Variants in KDM5A observed in about 807,000 individuals in gnomAD.
KDM5A encodes the protein lysine-specific demethylase 5A.
A neutral mutation model predicts 193.5 loss-of-function variants in KDM5A; 42 were observed. That is an observed-to-expected ratio of 0.22 (90% CI 0.17 to 0.28). The LOEUF (loss-of-function observed/expected upper bound fraction) is 0.28. KDM5A is among the 10% of genes least tolerant of loss of function. The pLI is 1.00. For synonymous variants in KDM5A, 796 were observed against 718.1 expected (o/e 1.11, Z -1.73); for missense variants, 1,692 against 2,055.1 (o/e 0.82, Z 3.42).
intron 2 of KDM5A, among the ~76,000 whole-genome samples, chr12:384,393 T>TA (rs1396879246): frequency 1.3e-5 from 2 of 152,158 alleles, no homozygotes; most frequent in Non-Finnish European, 2.9e-5. Flanking sequence ...AGAATCTAAG[T>TA]AATGCTTGAT....
In KDM5A at chr12:318,349, T is replaced by A. The variant is rs201957346; in HGVS notation, c.2654A>T (p.Tyr885Phe). The A allele has an allele frequency of 2.5e-6, 4 of 1,614,176 alleles. No individual in the cohort carries two copies. The Admixed American group carries it at 5.0e-5, about 20-fold the overall frequency. ...TCGTGGTAATTCAGGGAGTTCCACA[T>A]AGAGACTAGAGCCCATATCTATCAA... Reference protein sequence around the residue: ...QMLIDMGSSLYVELPELPRLK... With the variant: ...QMLIDMGSSLFVELPELPRLK... Residue 885 changes from tyrosine to phenylalanine, a missense_variant, in exon 19 of 28, where the codon TAT becomes TTT. By Grantham distance (22) the Tyr-to-Phe change is conservative. Coordinates refer to ENST00000399788, the MANE Select transcript of KDM5A (RefSeq NM_001042603.3).
intron 3 of KDM5A, among the ~76,000 whole-genome samples, chr12:375,412 G>T (rs1047454907): frequency 6.6e-6 from 1 of 152,178 alleles, no homozygotes; most frequent in African/African-American, 2.4e-5. Flanking sequence ...TCGTGCCATG[G>T]TTTTCAGCTC....
intron 14 of KDM5A, among the ~76,000 whole-genome samples, chr12:326,790 G>A (rs1303098448): frequency 6.8e-6 from 1 of 148,062 alleles, no homozygotes; most frequent in Non-Finnish European, 1.5e-5. Flanking sequence ...GCGTGGACCC[G>A]CAGGGCGGAG....
chr12:381,672 A>G, intron 3 of KDM5A, among the ~76,000 whole-genome samples: 1 of 152,282 alleles, frequency 6.6e-6, no homozygotes, highest in South Asian at 2.1e-4. Flanking sequence ...CTTACTTACT[A>G]ACATCATTAC....
At chr12:292,029 A>G (rs1199981043) in intron 27 of KDM5A, among the ~76,000 whole-genome samples, 4 of 151,834 alleles carry the variant, frequency 2.6e-5, no homozygotes, top group African/African-American at 7.3e-5. Context: ...CAACCTCCCA[A>G]GTAGCTGAGA....
Position 328,226 on chromosome 12 carries a change from T to G in KDM5A, c.1968+609A>C, listed in dbSNP as rs1335098622. 7.2e-5 allele frequency among the ~76,000 whole-genome samples: 11 copies of G among 152,276 alleles called. 1 individual carries two copies. In the South Asian group the frequency reaches 1.7e-3, roughly 23 times the overall value. ...GCTGTTTTAAAAACAGAGCAGAATA[T>G]CAGGCAGAGAGGGAGGAGGGACATG... is the stretch of plus-strand genomic sequence containing the variant. On this transcript the variant is annotated intron_variant, in intron 14 of 27. Coordinates refer to ENST00000399788, the MANE Select transcript of KDM5A (RefSeq NM_001042603.3).
chr12:383,592 A>T (rs1944602372), intron 3 of KDM5A, among the ~76,000 whole-genome samples: 1 of 152,180 alleles, frequency 6.6e-6, no homozygotes, highest in African/African-American at 2.4e-5. Context: ...ACAAGATAAC[A>T]TTAGCAGGCT....
intron 5 of KDM5A, among the ~76,000 whole-genome samples, chr12:361,886 T>A (rs1944297877): frequency 6.6e-6 from 1 of 151,722 alleles, no homozygotes; most frequent in Non-Finnish European, 1.5e-5. Context: ...AAACATAAAC[T>A]CAGAAAAAGA....
chr12:389,029 G>C lies in KDM5A; in HGVS notation c.63C>G (p.Val21=), dbSNP rs756529543. The change falls in exon 1 of 28, where the codon GTC becomes GTG. Residue 21 remains valine (V), a synonymous_variant. Transcript: ENST00000399788. The stretch of plus-strand genomic sequence containing the variant: ...TGAACTCCTCCCAACTCGGCTCAAA[G>C]ACGGGGCACTCTGGCGGTGGCACGA... ...AEFVPPPECP[V]FEPSWEEFTD... is the part of the protein sequence containing the mutation. 2 of 1,604,150 alleles carry C rather than the reference G, an allele frequency of 1.2e-6. No individual in the cohort carries two copies. The highest frequency in any genetic ancestry group is 1.1e-5 in the South Asian group (1 of 90,940).
chr12:343,361 G>C (rs1944031542), intron 10 of KDM5A, among the ~76,000 whole-genome samples: 1 of 152,208 alleles, frequency 6.6e-6, no homozygotes, highest in African/African-American at 2.4e-5. Context: ...CTGAACAAAA[G>C]GCAGCAGACA....
At chr12:308,093 C>A in intron 22 of KDM5A, 88 bp from the exon 23 acceptor site, 1 of 1,416,226 alleles carries the variant, frequency 7.1e-7, no homozygotes, top group South Asian at 1.2e-5. Flanking sequence ...ATCTTTCTCC[C>A]AAGTTATCAG....
chr12:369,622 G>A (rs1167228982), intron 3 of KDM5A, among the ~76,000 whole-genome samples: 5 of 152,136 alleles, frequency 3.3e-5, no homozygotes, highest in Non-Finnish European at 1.5e-5. Context: ...GACTTGAAAG[G>A]AGTGAAGTAG....
Position 323,210 on chromosome 12 carries a change from C to CAAAAAAAAAAAAA in KDM5A, c.2151-17_2151-5dup, listed in dbSNP as rs60377454. On this transcript the variant is annotated splice_region_variant and splice_polypyrimidine_tract_variant and intron_variant, in intron 15 of 27. Transcript: ENST00000399788. ...GTCTTCTAATGGGTAGCGATATCTA[C>CAAAAAAAAAAAAA]AAAAAAAAAAAAAAAAAAAAAAAAA... 5.9e-3 allele frequency: 1,752 copies of CAAAAAAAAAAAAA among 296,904 alleles called. 7 individuals are homozygous for CAAAAAAAAAAAAA. The highest frequency in any genetic ancestry group is 9.3e-3 in the Admixed American group (74 of 7,920). 18.4% of individuals were successfully genotyped at this position (296,904 alleles called of 1,614,324 possible). A position where few individuals can be genotyped will look rare whatever the true frequency, so the allele number is the denominator to read the frequency against.
chr12:376,796 AAGAC>A (rs1311056223), intron 3 of KDM5A, among the ~76,000 whole-genome samples: 1 of 152,184 alleles, frequency 6.6e-6, no homozygotes, highest in East Asian at 1.9e-4. Context: ...ATCCACTAAA[AAGAC>A]AGGAAAGAAA....
At chr12:373,836 T>C (rs1366300948) in intron 3 of KDM5A, among the ~76,000 whole-genome samples, 3 of 152,272 alleles carry the variant, frequency 2.0e-5, no homozygotes, top group South Asian at 4.1e-4. Flanking sequence ...TTTCGTTATG[T>C]ACCCAGTAGT....
At chr12:299,507 TCTCACCACCA>T (rs1423480749) in intron 24 of KDM5A, among the ~76,000 whole-genome samples, 1 of 152,184 alleles carries the variant, frequency 6.6e-6, no homozygotes, top group Non-Finnish European at 1.5e-5. Flanking sequence ...TGAGAGATTT[TCTCACCACCA>T]GACCTGCCTT....
chr12:359,115 C>T (rs6489449), intron 5 of KDM5A, among the ~76,000 whole-genome samples: 107,017 of 152,054 alleles, frequency 0.7, 37,871 homozygotes, highest in Middle Eastern at 0.78. Context: ...ATTAAACTCC[C>T]AACTCAGAAC....
chr12:299,518 GACCTGCCTTACA>G (rs1464236941), intron 24 of KDM5A, among the ~76,000 whole-genome samples: 1 of 152,138 alleles, frequency 6.6e-6, no homozygotes, highest in Non-Finnish European at 1.5e-5. Flanking sequence ...CTCACCACCA[GACCTGCCTTACA>G]AGAGCTCCTG....
Position 323,226 on chromosome 12 carries a change from A to AAAAAAAAAAAAAAAAAAAAAAAAAAC in KDM5A, c.2151-21_2151-20insGTTTTTTTTTTTTTTTTTTTTTTTTT. 6.7e-7 allele frequency: 1 copy of AAAAAAAAAAAAAAAAAAAAAAAAAAC among 1,485,164 alleles called. No individual in the cohort carries two copies. The highest frequency in any genetic ancestry group is 2.5e-5 in the East Asian group (1 of 39,700). The allele number at this position is 1,485,164 out of a possible 1,614,324, so 92.0% of individuals were successfully genotyped here. On this transcript the variant is annotated intron_variant, in intron 15 of 27. Transcript: ENST00000399788. ...CGATATCTACAAAAAAAAAAAAAAAAAAAAAAAAAAAAAGAAAACAGAAAT... is the reference window on the plus strand; with the variant it reads ...CGATATCTACAAAAAAAAAAAAAAAAAAAAAAAAAAAAAAAAAAAAAAAAACAAAAAAAAAAAAAGAAAACAGAAAT...
Sources: allele counts gnomAD v4.1 joint callset (sites outside exome capture counted in the v4.1 genomes callset), GRCh38; gene constraint gnomAD v4.1.1; transcripts MANE v1.5; gene names NCBI Gene and HGNC (gene_info 2026-07-23, HGNC 2026-07-21).